The following SPOCK2 variants were observed in gnomAD, a reference collection of about 807,000 sequenced individuals.
The protein encoded by SPOCK2 is testican-2.
A neutral mutation model predicts 60.1 loss-of-function variants in SPOCK2; 39 were observed. The observed-to-expected ratio is 0.65, with a 90% CI of 0.50 to 0.85. SPOCK2 has a LOEUF of 0.85. SPOCK2 is among the 40% of genes least tolerant of loss of function. The pLI is 0.00. For synonymous variants in SPOCK2, 217 were observed against 231.5 expected, an observed-to-expected ratio of 0.94 and a Z score of 0.57; for missense variants, 523 against 567.4, an observed-to-expected ratio of 0.92 and a Z score of 0.80.
Position 72,060,924 on chromosome 10 carries a change from GC to G in SPOCK2, c.*1835del, listed in dbSNP as rs546672791. 756 of 152,384 alleles carry G rather than the reference GC, an allele frequency of 5.0e-3. 24 individuals carry two copies. Among genetic ancestry groups the G allele is most frequent in the South Asian group, 1.9e-3 (9 of 4,814 alleles). 9.4% of individuals were successfully genotyped at this position (152,384 alleles called of 1,614,324 possible). On this transcript the variant is annotated 3_prime_UTR_variant, in exon 11 of 11. Coordinates refer to ENST00000373109, the MANE Select transcript of SPOCK2 (RefSeq NM_001244950.2). ...CACAGATGCTGGGAGGCTGGGGACT[GC>G]CAGGTTGGGAGCCTCACCCAGAGAG...
chr10:72,074,526 A>G (rs1840690092), intron 1 of SPOCK2, among the ~76,000 whole-genome samples: 1 of 152,230 alleles, frequency 6.6e-6, no homozygotes, highest in Non-Finnish European at 1.5e-5. Flanking sequence ...ACACATGTGT[A>G]GTGACAGAAG....
At chr10:72,070,679 C>A (rs1051689774) in intron 4 of SPOCK2, among the ~76,000 whole-genome samples, 1 of 151,890 alleles carries the variant, frequency 6.6e-6, no homozygotes, top group Non-Finnish European at 1.5e-5. Context: ...TCCCATGGGG[C>A]CTTCAGGTAG....
intron 3 of SPOCK2, 65 bp from the exon 4 acceptor site, chr10:72,072,323 C>T (rs1181933525): frequency 1.4e-6 from 2 of 1,458,350 alleles, no homozygotes; most frequent in African/African-American, 2.8e-5. Context: ...AGCCCCACTT[C>T]TGAGCTGGGA....
chr10:72,082,769 G>A (rs561220642), intron 1 of SPOCK2, among the ~76,000 whole-genome samples: 11 of 149,370 alleles, frequency 7.4e-5, no homozygotes, highest in South Asian at 6.3e-4. Flanking sequence ...TGGGAGGATC[G>A]CTTGAGTCCA....
chr10:72,078,958 T>C (rs1840750713), intron 1 of SPOCK2, among the ~76,000 whole-genome samples: 1 of 152,200 alleles, frequency 6.6e-6, no homozygotes, highest in East Asian at 1.9e-4. Flanking sequence ...CAACATCTAG[T>C]ACCTAGTAAT....
At chr10:72,064,015 G>A (rs750116616) in intron 9 of SPOCK2, among the ~76,000 whole-genome samples, 163 bp downstream of exon 9, 1 of 152,322 alleles carries the variant, frequency 6.6e-6, no homozygotes, top group South Asian at 2.1e-4. Context: ...CCCACCACAA[G>A]GATAGACACA....
rs1161153713 is a variant in SPOCK2, at chr10:72,063,037, T to A, written c.1117A>T (p.Ser373Cys). ...GCCCAGCCCGTACCGCAGTCGGGGC[T>A]CCCATGCGTGCGCGTGCCAGTCAGC... ...LELTGTRTHG[S>C]PDCDDIVGFS... Residue 373 changes from serine (S) to cysteine (C), a missense_variant, in exon 10 of 11, where the codon AGC becomes TGC. Transcript: ENST00000373109. 1 of 1,555,184 alleles carries A rather than the reference T, an allele frequency of 6.4e-7. No individual in the cohort carries two copies. The highest frequency in any genetic ancestry group is 1.2e-5 in the South Asian group (1 of 84,386).
intron 1 of SPOCK2, among the ~76,000 whole-genome samples, chr10:72,073,302 ACTGT>A (rs899363920): frequency 6.6e-6 from 1 of 152,146 alleles, no homozygotes; most frequent in African/African-American, 2.4e-5. Flanking sequence ...GAAACGGTGC[ACTGT>A]CTGTCTCCTG....
At chr10:72,082,845 C>A (rs571633101) in intron 1 of SPOCK2, among the ~76,000 whole-genome samples, 9 of 138,938 alleles carry the variant, frequency 6.5e-5, no homozygotes, top group Admixed American at 2.9e-4. Flanking sequence ...CAGAGTGAGA[C>A]CCTGTCTCAA....
intron 7 of SPOCK2, 149 bp from the exon 8 acceptor site, chr10:72,067,269 C>T (rs750627224): frequency 4.6e-4 from 391 of 850,838 alleles, no homozygotes; most frequent in South Asian, 1.2e-3. Context: ...AACTCGAGAA[C>T]GGCGAAAGGT....
Position 72,074,136 on chromosome 10 carries a change from C to T in SPOCK2, c.190-1226G>A, listed in dbSNP as rs115445520. Among the ~76,000 whole-genome samples the T allele has an allele frequency of 5.4e-3, 823 of 152,226 alleles. 8 individuals are homozygous for T. The highest frequency in any genetic ancestry group is 0.019 in the African/African-American group (790 of 41,534). On this transcript the variant is annotated intron_variant, in intron 1 of 10. Transcript: ENST00000373109. ...AGCTGTCAGGTCTGGGGGAAAAGGG[C>T]GGTGGGGCCATGGCACCAAACGGCA... is the stretch of plus-strand genomic sequence containing the variant.
intron 1 of SPOCK2, among the ~76,000 whole-genome samples, chr10:72,081,474 C>T (rs1220148185): frequency 1.3e-5 from 2 of 152,196 alleles, no homozygotes; most frequent in African/African-American, 4.8e-5. Flanking sequence ...GGACGCCCCA[C>T]CCTACAGAAT....
chr10:72,088,624 A>T, upstream of SPOCK2: 5 of 219,398 alleles, frequency 2.3e-5, no homozygotes, highest in Admixed American at 5.9e-5. Flanking sequence ...CCTGGTTTAA[A>T]AAAAAAAAAA....
At position 72,066,317 on chromosome 10, in the gene SPOCK2, C is replaced by T. The variant is rs74494331; in HGVS notation, c.928+585G>A. 2.6e-3 allele frequency among the ~76,000 whole-genome samples: 393 copies of T among 151,448 alleles called. 1 individual carries two copies. The highest frequency in any genetic ancestry group is 8.9e-3 in the African/African-American group (366 of 41,250). ...TGAGGGGCCCCAGAAAGTTTACATTCGTTATTTTTCATATTCTTTCTTTCC... is the reference window on the plus strand; with the variant it reads ...TGAGGGGCCCCAGAAAGTTTACATTTGTTATTTTTCATATTCTTTCTTTCC... On this transcript the variant is annotated intron_variant, in intron 8 of 10. Coordinates refer to ENST00000373109, the MANE Select transcript of SPOCK2 (RefSeq NM_001244950.2).
rs759024096 is a variant in SPOCK2, at chr10:72,067,132, T to C, written c.710-12A>G. 2 of 1,611,028 alleles carry C rather than the reference T, an allele frequency of 1.2e-6. No homozygotes were observed. The highest frequency in any genetic ancestry group is 3.4e-5 in the Admixed American group (2 of 59,684). On this transcript the variant is annotated splice_polypyrimidine_tract_variant and intron_variant, in intron 7 of 10. Coordinates refer to ENST00000373109, the MANE Select transcript of SPOCK2 (RefSeq NM_001244950.2). ...GCTCTTGTCCAGCCCTGGGAAAAGATCAGGTTCAGGCACGCTTCATCTGGC... is the reference window on the plus strand; with the variant it reads ...GCTCTTGTCCAGCCCTGGGAAAAGACCAGGTTCAGGCACGCTTCATCTGGC...
At position 72,087,191 on chromosome 10, in the gene SPOCK2, C is replaced by T. The variant is rs867616786; in HGVS notation, c.189+949G>A. Among the ~76,000 whole-genome samples, 73 of 152,152 alleles carry T rather than the reference C, an allele frequency of 4.8e-4. No individual in the cohort carries two copies. Among genetic ancestry groups the T allele is most frequent in the South Asian group, 1.0e-3 (5 of 4,814 alleles). On this transcript the variant is annotated intron_variant, in intron 1 of 10. Transcript: ENST00000373109. The surrounding 1 kb of genome is among the most constrained non-coding windows in gnomAD (Gnocchi z 4.7). ...TCACCCCTGCTTCCCCAGCCCCCAA[C>T]CCGGCCCGGCCGAGAGGAAGGAGCC...
At chr10:72,075,510 C>G (rs1486776392) in intron 1 of SPOCK2, among the ~76,000 whole-genome samples, 1 of 152,218 alleles carries the variant, frequency 6.6e-6, no homozygotes, top group Admixed American at 6.5e-5. Flanking sequence ...TAACCTCCAA[C>G]CAGGCCGTGA....
At position 72,067,625 on chromosome 10, in the gene SPOCK2, C is replaced by G; in HGVS notation, c.697G>C (p.Gly233Arg). Residue 233 changes from glycine (G) to arginine (R), a missense_variant, in exon 7 of 11, where the codon GGC becomes CGC. Physicochemically the swap from Gly to Arg is moderately radical, Grantham distance 125. Transcript: ENST00000373109. Reference protein sequence around the residue: ...KQNGSASSVAGPASGLDKSLG... With the variant: ...KQNGSASSVARPASGLDKSLG... ...GCAAGCTTCCTACCGCTGGCCGGGC[C>G]GGCTACACTGCTGGCTGAGCCATTC... The G allele has an allele frequency of 1.2e-6, 2 of 1,613,016 alleles. No homozygotes were observed. The highest frequency in any genetic ancestry group is 1.7e-6 in the Non-Finnish European group (2 of 1,179,996).
chr10:72,078,010 CTG>C (rs891216482), intron 1 of SPOCK2, among the ~76,000 whole-genome samples: 7 of 152,164 alleles, frequency 4.6e-5, no homozygotes, highest in Non-Finnish European at 8.8e-5. Flanking sequence ...CTCTTTGAAA[CTG>C]AATATACAGT....
Sources: gnomAD v4.1 joint callset for allele counts (sites outside exome capture counted in the v4.1 genomes callset) on GRCh38, gnomAD v4.1.1 for gene constraint, Gnocchi (gnomAD v3.1) non-coding constraint, MANE v1.5 for transcripts, NCBI Gene and HGNC (gene_info 2026-07-23, HGNC 2026-07-21) for gene names.